The following ITGA6 variants were observed in gnomAD, a reference collection of about 807,000 sequenced individuals.
ITGA6 encodes the protein integrin alpha-6.
A neutral mutation model predicts 133.6 loss-of-function variants in ITGA6; 63 were observed. The observed-to-expected ratio is 0.47, with a 90% CI of 0.38 to 0.58. The LOEUF is 0.58. Among genes scored for constraint, ITGA6 ranks in the 20% least tolerant of loss-of-function variants. The pLI is 0.00. For missense variants in ITGA6, 1,068 were observed against 1,309.4 expected (o/e 0.82, Z 2.85); for synonymous variants, 434 against 482.0 (o/e 0.90, Z 1.30).
rs1559149704 is a variant in ITGA6, at chr2:172,487,649, T to TAC, written c.2244+20_2244+21dup. ...TTCAAATGTAGGTGATGCCTTCATA[T>TAC]ACTGTATTTTACTGTTTTAAATACC... On this transcript the variant is annotated intron_variant, in intron 16 of 25. Coordinates refer to ENST00000684293, the MANE Select transcript of ITGA6 (RefSeq NM_000210.4). 6.2e-7 allele frequency: 1 copy of TAC among 1,603,518 alleles called. No homozygotes were observed. Among genetic ancestry groups the TAC allele is most frequent in the East Asian group, 2.2e-5 (1 of 44,838 alleles).
intron 1 of ITGA6, among the ~76,000 whole-genome samples, chr2:172,435,029 TG>T: frequency 9.2e-6 from 1 of 109,050 alleles, no homozygotes. Flanking sequence ...TGGTTTTAAG[TG>T]TGTGTGTGTG....
chr2:172,453,585 C>A (rs893301267), intron 1 of ITGA6, among the ~76,000 whole-genome samples: 4 of 152,116 alleles, frequency 2.6e-5, no homozygotes, highest in African/African-American at 9.7e-5. Context: ...AGAACTAGAG[C>A]CTTCGAAGGA....
intron 1 of ITGA6, among the ~76,000 whole-genome samples, chr2:172,451,886 G>A (rs1441116057): frequency 6.6e-6 from 1 of 151,972 alleles, no homozygotes; most frequent in African/African-American, 2.4e-5. Context: ...GGGACAGAGG[G>A]GAGTGGTGGT....
chr2:172,437,503 T>C (rs189926491), intron 1 of ITGA6, among the ~76,000 whole-genome samples: 235 of 152,182 alleles, frequency 1.5e-3, no homozygotes, highest in South Asian at 0.011. Flanking sequence ...AGGATGGAGT[T>C]GTATTATGGT....
intron 20 of ITGA6, among the ~76,000 whole-genome samples, chr2:172,490,498 A>C (rs554559252): frequency 6.6e-6 from 1 of 152,384 alleles, no homozygotes; most frequent in East Asian, 1.9e-4. Context: ...GTTAAAAATC[A>C]AGATAATCGG....
intron 24 of ITGA6, among the ~76,000 whole-genome samples, chr2:172,499,326 G>A (rs1413580320): frequency 1.3e-5 from 2 of 151,960 alleles, no homozygotes; most frequent in Non-Finnish European, 2.9e-5. Flanking sequence ...CACACAGCCA[G>A]TCAATATAAA....
intron 6 of ITGA6, 149 bp from the exon 7 acceptor site, chr2:172,474,780 C>G: frequency 1.5e-6 from 1 of 688,130 alleles, no homozygotes; most frequent in South Asian, 1.6e-5. Flanking sequence ...TATAGGCTAC[C>G]TTGGTTTTTA....
chr2:172,491,578 C>A lies in ITGA6; in HGVS notation c.2988+55C>A. The stretch of plus-strand genomic sequence containing the variant: ...CAGAACATGTCTCTTTTCCCTGTAC[C>A]CCACACTCATGTCCTGAAGTCATGT... On this transcript the variant is annotated intron_variant, in intron 23 of 25. Coordinates refer to ENST00000684293, the MANE Select transcript of ITGA6 (RefSeq NM_000210.4). This position sits in a 1 kb window ranked among gnomAD's most constrained non-coding sequence, Gnocchi z 4.4. 1 of 1,139,392 alleles carries A rather than the reference C, an allele frequency of 8.8e-7. No individual in the cohort carries two copies. Among genetic ancestry groups the A allele is most frequent in the Non-Finnish European group, 1.3e-6 (1 of 757,446 alleles). 70.6% of individuals were successfully genotyped at this position (1,139,392 alleles called of 1,614,324 possible). A position where few individuals can be genotyped will look rare whatever the true frequency, so the allele number is the denominator to read the frequency against.
chr2:172,455,283 C>A (rs967804088), intron 1 of ITGA6, among the ~76,000 whole-genome samples: 1 of 152,242 alleles, frequency 6.6e-6, no homozygotes, highest in African/African-American at 2.4e-5. Context: ...GCCTGCTTTG[C>A]TGCTCACAGA....
intron 1 of ITGA6, among the ~76,000 whole-genome samples, chr2:172,429,154 G>A (rs1234363697): frequency 2.0e-5 from 3 of 150,658 alleles, no homozygotes; most frequent in African/African-American, 7.3e-5. Flanking sequence ...CGTGAATGTT[G>A]CAGCCCCTGA....
At chr2:172,499,506 G>T (rs1480491656) in intron 24 of ITGA6, among the ~76,000 whole-genome samples, 1 of 151,578 alleles carries the variant, frequency 6.6e-6, no homozygotes, top group African/African-American at 2.4e-5. Flanking sequence ...CTGGGACTAC[G>T]TGCCACCACA....
chr2:172,462,771 G>C (rs1317182460), intron 1 of ITGA6, among the ~76,000 whole-genome samples: 1 of 152,204 alleles, frequency 6.6e-6, no homozygotes. Flanking sequence ...CCCAAAAGCA[G>C]CTGTACCCTG....
In ITGA6 at chr2:172,427,914, C is replaced by T. The variant is rs1194508063; in HGVS notation, c.126C>T (p.Ser42=). Residue 42 remains serine, a synonymous_variant, in exon 1 of 26, where the codon AGC becomes AGT. Transcript: ENST00000684293. ...NVIRKYGDPG[S]LFGFSLAMHW... ...TCCGGAAATATGGAGACCCCGGGAGCCTCTTCGGCTTCTCGCTGGCCATGC... is the reference window on the plus strand; with the variant it reads ...TCCGGAAATATGGAGACCCCGGGAGTCTCTTCGGCTTCTCGCTGGCCATGC... 1.2e-6 allele frequency: 2 copies of T among 1,607,014 alleles called. No individual in the cohort carries two copies. The highest frequency in any genetic ancestry group is 1.1e-5 in the South Asian group (1 of 90,078).
At chr2:172,455,803 A>G (rs1390203530) in intron 1 of ITGA6, among the ~76,000 whole-genome samples, 1 of 152,234 alleles carries the variant, frequency 6.6e-6, no homozygotes, top group East Asian at 1.9e-4. Flanking sequence ...TAAGGAAAAT[A>G]GTTTTTTTTA....
chr2:172,478,540 G>C (rs924561786), intron 9 of ITGA6, among the ~76,000 whole-genome samples: 1 of 152,162 alleles, frequency 6.6e-6, no homozygotes, highest in Non-Finnish European at 1.5e-5. Context: ...TTGTGCCTGT[G>C]GCAGCAGTTG....
chr2:172,478,396 G>T (rs547558604), intron 9 of ITGA6, among the ~76,000 whole-genome samples: 1 of 152,164 alleles, frequency 6.6e-6, no homozygotes, highest in African/African-American at 2.4e-5. Flanking sequence ...TTTACCACAA[G>T]CCCATCAGAG....
At chr2:172,430,597 T>C (rs1488324786) in intron 1 of ITGA6, among the ~76,000 whole-genome samples, 1 of 152,238 alleles carries the variant, frequency 6.6e-6, no homozygotes. Flanking sequence ...CTATAGTGCC[T>C]TTAACTATTC....
chr2:172,483,965 C>T (rs999641251), intron 11 of ITGA6, among the ~76,000 whole-genome samples: 3 of 152,150 alleles, frequency 2.0e-5, no homozygotes, highest in African/African-American at 7.2e-5. Context: ...CATGCGCCAC[C>T]AAGCCCAGCT....
intron 4 of ITGA6, 114 bp from the exon 5 acceptor site, chr2:172,470,860 C>G: frequency 9.5e-7 from 1 of 1,050,470 alleles, no homozygotes; most frequent in Non-Finnish European, 1.4e-6. Flanking sequence ...TTTTTTTCCT[C>G]CAAATTTTTT....
Sources: allele counts gnomAD v4.1 joint callset (sites outside exome capture counted in the v4.1 genomes callset), GRCh38; gene constraint gnomAD v4.1.1; non-coding constraint Gnocchi (gnomAD v3.1); transcripts MANE v1.5; gene names NCBI Gene and HGNC (gene_info 2026-07-23, HGNC 2026-07-21).